The following SYT16 variants were observed in gnomAD, a reference collection of about 807,000 sequenced individuals.
The protein encoded by SYT16 is synaptotagmin-16.
In SYT16, 42 loss-of-function variants were observed where a neutral mutation model predicts 61.4. The ratio of observed to expected loss-of-function variants is 0.68; its 90% confidence interval spans 0.53 to 0.89. The LOEUF (loss-of-function observed/expected upper bound fraction) is 0.89. SYT16 is among the 40% of genes least tolerant of loss of function. The probability of loss-of-function intolerance (pLI) is 0.00; values close to 1 mark genes in which losing one functional copy is unlikely to be tolerated. For synonymous variants in SYT16, 314 were observed against 302.3 expected, an observed-to-expected ratio of 1.04 and a Z score of -0.40; for missense variants, 804 against 807.3, an observed-to-expected ratio of 1.00 and a Z score of 0.05.
chr14:61,963,820 C>G (rs1158689360), intron 1 of SYT16, among the ~76,000 whole-genome samples: 1 of 152,170 alleles, frequency 6.6e-6, no homozygotes, highest in African/African-American at 2.4e-5. Flanking sequence ...GCTGATGTAG[C>G]TGGTGACTTT....
At chr14:61,917,525 C>T (rs767439776) in intron 1 of SYT16, among the ~76,000 whole-genome samples, 6 of 152,112 alleles carry the variant, frequency 3.9e-5, no homozygotes, top group Admixed American at 2.0e-4. Flanking sequence ...TAAGGGGAAA[C>T]GTTCCCAACC....
chr14:62,068,240 A>T (rs1003743668), intron 3 of SYT16, among the ~76,000 whole-genome samples: 5 of 152,028 alleles, frequency 3.3e-5, no homozygotes, highest in Non-Finnish European at 5.9e-5. Flanking sequence ...TGAAAAAAAA[A>T]TTTTTAAAAA....
chr14:61,860,854 G>C (rs952312172), intron 1 of SYT16, among the ~76,000 whole-genome samples: 7 of 152,160 alleles, frequency 4.6e-5, no homozygotes, highest in African/African-American at 1.4e-4. Flanking sequence ...ACCAGGGTGT[G>C]GTTTTGCTAA....
rs117211486 is a variant in SYT16 at position 62,078,328 on chromosome 14, A to G, written c.994-2506A>G. Among the ~76,000 whole-genome samples, 1,047 of 152,272 alleles carry G rather than the reference A, an allele frequency of 6.9e-3. 10 individuals are homozygous for G. Among genetic ancestry groups the G allele is most frequent in the East Asian group, 0.068 (350 of 5,178 alleles). On this transcript the variant is annotated intron_variant, in intron 5 of 7. Transcript: ENST00000683842. ...AGGCAGGCCTGGGACTCAAACTGCC[A>G]GGGCATGAGTCCTGGATAATCTTGT...
chr14:61,978,237 A>G (rs965591647), intron 2 of SYT16, among the ~76,000 whole-genome samples: 7 of 152,236 alleles, frequency 4.6e-5, no homozygotes, highest in African/African-American at 1.4e-4. Context: ...TAGCAGGAGA[A>G]GAAGGTGGAA....
intron 1 of SYT16, among the ~76,000 whole-genome samples, chr14:61,969,762 A>G (rs1474715934): frequency 1.3e-5 from 2 of 152,144 alleles, no homozygotes; most frequent in Non-Finnish European, 2.9e-5. Flanking sequence ...CTTTTATAAC[A>G]CTGGTCAACC....
At chr14:61,960,520 G>A (rs1454808670) in intron 1 of SYT16, among the ~76,000 whole-genome samples, 1 of 152,090 alleles carries the variant, frequency 6.6e-6, no homozygotes, top group Admixed American at 6.6e-5. Flanking sequence ...CTTGTGTATA[G>A]GGATGCCAGT....
chr14:62,051,593 C>G (rs2055301824), intron 3 of SYT16, among the ~76,000 whole-genome samples: 1 of 152,224 alleles, frequency 6.6e-6, no homozygotes, highest in South Asian at 2.1e-4. Context: ...AGAGCTGTTC[C>G]TATTCGGCCA....
At chr14:62,078,500 G>T (rs1193529093) in intron 5 of SYT16, among the ~76,000 whole-genome samples, 1 of 152,162 alleles carries the variant, frequency 6.6e-6, no homozygotes, top group Admixed American at 6.5e-5. Context: ...ATGTTTCTTA[G>T]TTGGGTTCCT....
chr14:62,041,191 G>T (rs938642032), intron 3 of SYT16, among the ~76,000 whole-genome samples: 2 of 152,090 alleles, frequency 1.3e-5, no homozygotes, highest in Non-Finnish European at 2.9e-5. Flanking sequence ...CAGATTAACA[G>T]TGGGTCTGCC....
chr14:61,907,437 G>A (rs2048765512), intron 1 of SYT16, among the ~76,000 whole-genome samples: 1 of 152,166 alleles, frequency 6.6e-6, no homozygotes, highest in Admixed American at 6.5e-5. Flanking sequence ...TATTTCATAG[G>A]TTTTGGCATC....
rs571458934 is a variant in SYT16, at chr14:61,972,460, A to G, written c.-145+2149A>G. ...AAAGCTGTTCACTCAGGAAACACTG[A>G]AAAATACATGTCTCAAATTCAGAGT... is the stretch of plus-strand genomic sequence containing the variant. On this transcript the variant is annotated intron_variant, in intron 2 of 7. Transcript: ENST00000683842. Among the ~76,000 whole-genome samples, 75 of 152,342 alleles carry G rather than the reference A, an allele frequency of 4.9e-4. 2 individuals are homozygous for G. In the South Asian group the frequency reaches 8.5e-3, roughly 17 times the overall value.
intron 1 of SYT16, among the ~76,000 whole-genome samples, chr14:61,873,335 G>A (rs946908385): frequency 1.3e-5 from 2 of 152,166 alleles, no homozygotes; most frequent in African/African-American, 2.4e-5. Context: ...GGGATGAGAG[G>A]ATGGATAGGC....
At position 62,092,458 on chromosome 14, in the gene SYT16, C is replaced by T. The variant is rs139003670; in HGVS notation, c.1625-7936C>T. Among the ~76,000 whole-genome samples, 322 of 152,050 alleles carry T rather than the reference C, an allele frequency of 2.1e-3. 2 individuals carry two copies. Among genetic ancestry groups the T allele is most frequent in the Non-Finnish European group, 3.5e-3 (241 of 67,940 alleles). On this transcript the variant is annotated intron_variant, in intron 7 of 7. Transcript: ENST00000683842. Reference sequence around the variant, plus strand: ...TTCATAGCAACATTATTCACTATAGCTAAAATGTGGAAGCAGCCTAAGTGT... The same window carrying T: ...TTCATAGCAACATTATTCACTATAGTTAAAATGTGGAAGCAGCCTAAGTGT...
chr14:61,954,247 C>T (rs2050781781), intron 1 of SYT16, among the ~76,000 whole-genome samples: 2 of 150,298 alleles, frequency 1.3e-5, no homozygotes, highest in South Asian at 4.2e-4. Flanking sequence ...AATAAACTTT[C>T]AGCTTCCTTT....
At chr14:62,073,478 T>C (rs2056373605) in intron 4 of SYT16, among the ~76,000 whole-genome samples, 1 of 152,210 alleles carries the variant, frequency 6.6e-6, no homozygotes, top group African/African-American at 2.4e-5. Context: ...TGTCATTTTG[T>C]GTGGCCTGTT....
chr14:61,964,299 A>G (rs542287295), intron 1 of SYT16, among the ~76,000 whole-genome samples: 2 of 152,316 alleles, frequency 1.3e-5, no homozygotes, highest in African/African-American at 4.8e-5. Context: ...AAGGACATTT[A>G]TGATTCATGG....
intron 1 of SYT16, among the ~76,000 whole-genome samples, chr14:61,951,708 T>C (rs2050677177): frequency 6.6e-6 from 1 of 151,570 alleles, no homozygotes; most frequent in Non-Finnish European, 1.5e-5. Flanking sequence ...CAAAATAATG[T>C]GATTGAATAT....
At chr14:61,889,847 A>C (rs2048056947) in intron 1 of SYT16, among the ~76,000 whole-genome samples, 1 of 151,928 alleles carries the variant, frequency 6.6e-6, no homozygotes, top group African/African-American at 2.4e-5. Flanking sequence ...ATACCAACAC[A>C]AAACAGACTA....
Sources: allele counts gnomAD v4.1 joint callset (sites outside exome capture counted in the v4.1 genomes callset), GRCh38; gene constraint gnomAD v4.1.1; transcripts MANE v1.5; gene names NCBI Gene and HGNC (gene_info 2026-07-23, HGNC 2026-07-21).